Variants in TTC23 observed in about 807,000 individuals in gnomAD.
TTC23 encodes tetratricopeptide repeat domain 23, also known as tetratricopeptide repeat protein 23.
TTC23 carries 58 observed loss-of-function variants against 55.1 expected under a neutral mutation model. The observed-to-expected ratio is 1.05, with a 90% CI of 0.85 to 1.31. The LOEUF (loss-of-function observed/expected upper bound fraction) is 1.31, where lower values mean the gene tolerates loss of function less well. Among genes scored for constraint, TTC23 ranks in the 50% most tolerant of loss-of-function variants. The pLI is 0.00. For synonymous variants in TTC23, 203 were observed against 199.9 expected, an observed-to-expected ratio of 1.02 and a Z score of -0.13; for missense variants, 516 against 534.4, an observed-to-expected ratio of 0.97 and a Z score of 0.34.
At chr15:99,192,799 C>A (rs767984362) in intron 9 of TTC23, among the ~76,000 whole-genome samples, 6 of 152,158 alleles carry the variant, frequency 3.9e-5, no homozygotes, top group Non-Finnish European at 7.3e-5. Context: ...ACAGTTTGCA[C>A]CGTGTGCCTG....
upstream of TTC23, among the ~76,000 whole-genome samples, chr15:99,250,093 T>C (rs1431225213): frequency 6.6e-6 from 1 of 152,210 alleles, no homozygotes; most frequent in East Asian, 1.9e-4. Context: ...TAACTCTTCA[T>C]ATATTAGCAG....
At chr15:99,214,490 A>T (rs1168708432) in intron 8 of TTC23, among the ~76,000 whole-genome samples, 1 of 128,680 alleles carries the variant, frequency 7.8e-6, no homozygotes, top group Non-Finnish European at 1.6e-5. Flanking sequence ...CCTGGGTGAC[A>T]GAGTGAGACT....
intron 12 of TTC23, among the ~76,000 whole-genome samples, chr15:99,142,811 C>T (rs2068397883): frequency 6.6e-6 from 1 of 152,148 alleles, no homozygotes; most frequent in African/African-American, 2.4e-5. Flanking sequence ...CACCATTTTC[C>T]CTGGGAGCAT....
intron 12 of TTC23, among the ~76,000 whole-genome samples, chr15:99,144,060 G>C (rs1417905136): frequency 6.6e-6 from 1 of 152,174 alleles, no homozygotes; most frequent in African/African-American, 2.4e-5. Context: ...GCCTTCAACA[G>C]GAGAAAGACT....
chr15:99,161,931 A>C (rs1379031287), intron 10 of TTC23, 64 bp from the exon 11 acceptor site: 17 of 1,501,168 alleles, frequency 1.1e-5, no homozygotes, highest in Non-Finnish European at 1.4e-5. Flanking sequence ...AAACAGAATA[A>C]ATATACTGTT....
chr15:99,213,344 A>T (rs941997479), intron 8 of TTC23, among the ~76,000 whole-genome samples: 3 of 152,246 alleles, frequency 2.0e-5, no homozygotes, highest in Non-Finnish European at 4.4e-5. Context: ...ATATTAACTT[A>T]AATTCTTGTT....
intron 8 of TTC23, among the ~76,000 whole-genome samples, chr15:99,204,110 C>T (rs903091947): frequency 6.6e-6 from 1 of 152,176 alleles, no homozygotes. Context: ...GCATTCCCAC[C>T]AACAGTGTAT....
intron 8 of TTC23, among the ~76,000 whole-genome samples, chr15:99,201,038 C>T (rs992708060): frequency 6.6e-6 from 1 of 152,210 alleles, no homozygotes; most frequent in Non-Finnish European, 1.5e-5. Context: ...CACATATGCA[C>T]AGAAAGATGG....
At chr15:99,148,360 CAAAAAAAAA>C (rs57733522) in intron 12 of TTC23, among the ~76,000 whole-genome samples, 1,618 of 30,460 alleles carry the variant, frequency 0.053, 115 homozygotes, top group Admixed American at 0.26. Flanking sequence ...GACTCTGTAC[CAAAAAAAAA>C]AAAAAAAAAA....
At chr15:99,226,927 G>A (rs2078491937) in intron 5 of TTC23, among the ~76,000 whole-genome samples, 1 of 152,156 alleles carries the variant, frequency 6.6e-6, no homozygotes, top group South Asian at 2.1e-4. Flanking sequence ...TGTCTGTCCT[G>A]TTCACCATTG....
chr15:99,199,888 C>T (rs780491790), intron 9 of TTC23, 31 bp downstream of exon 9: 1 of 1,587,002 alleles, frequency 6.3e-7, no homozygotes, highest in South Asian at 1.2e-5. Flanking sequence ...GGGCCTAGAA[C>T]AGCTTTGGTA....
intron 8 of TTC23, among the ~76,000 whole-genome samples, chr15:99,200,751 G>A (rs1057246480): frequency 6.6e-6 from 1 of 152,054 alleles, no homozygotes. Context: ...ACTCTGGCAG[G>A]GCAAGAAGAT....
chr15:99,227,425 T>G (rs2078544190), intron 5 of TTC23, among the ~76,000 whole-genome samples: 1 of 152,236 alleles, frequency 6.6e-6, no homozygotes, highest in Non-Finnish European at 1.5e-5. Flanking sequence ...CAGGTCCTCA[T>G]AATTACTTGC....
chr15:99,198,245 A>T (rs2075907303), intron 9 of TTC23, among the ~76,000 whole-genome samples: 1 of 152,116 alleles, frequency 6.6e-6, no homozygotes, highest in Admixed American at 6.5e-5. Flanking sequence ...CACCTAAAAC[A>T]CAGCTTGCCA....
chr15:99,175,177 A>G (rs749925997), intron 9 of TTC23, 22 bp from the exon 10 acceptor site: 1 of 1,601,286 alleles, frequency 6.2e-7, no homozygotes, highest in Non-Finnish European at 8.6e-7. Context: ...GAAAGAAGAA[A>G]CATGTTGTTT....
rs567054840 is a variant in TTC23, at chr15:99,241,383, C to T, written c.-132G>A. On this transcript the variant is annotated 5_prime_UTR_variant, in exon 3 of 14. An upstream start codon of the reference 5' UTR is lost. Coordinates refer to ENST00000394132, the MANE Select transcript of TTC23 (RefSeq NM_001288615.3). ...CACTTACTTTGAGTTACATGCTTAT[C>T]ATCAGCCACTTTTCTTTGTAGTAGC... 7 of 152,586 alleles carry T rather than the reference C, an allele frequency of 4.6e-5. No individual in the cohort carries two copies. The highest frequency in any genetic ancestry group is 1.4e-4 in the African/African-American group (6 of 41,568). The allele number at this position is 152,586 out of a possible 1,614,324, so 9.5% of individuals were successfully genotyped here.
At chr15:99,202,582 G>T (rs559952435) in intron 8 of TTC23, among the ~76,000 whole-genome samples, 44 of 152,294 alleles carry the variant, frequency 2.9e-4, no homozygotes, top group South Asian at 2.5e-3. Context: ...GTGTTTGGGG[G>T]TTTGTTAATA....
intron 5 of TTC23, among the ~76,000 whole-genome samples, chr15:99,222,236 A>G (rs750246270): frequency 6.6e-6 from 1 of 152,162 alleles, no homozygotes; most frequent in Non-Finnish European, 1.5e-5. Flanking sequence ...GGCAAATGGT[A>G]GTGTTTTCAA....
chr15:99,214,246 G>A (rs1001866137), intron 8 of TTC23, among the ~76,000 whole-genome samples: 3 of 151,878 alleles, frequency 2.0e-5, no homozygotes, highest in South Asian at 2.1e-4. Context: ...GGTGGCTCAC[G>A]CCTGTAATCC....
Sources: allele counts gnomAD v4.1 joint callset (sites outside exome capture counted in the v4.1 genomes callset), GRCh38; gene constraint gnomAD v4.1.1; transcripts MANE v1.5; gene names NCBI Gene and HGNC (gene_info 2026-07-23, HGNC 2026-07-21).